The following LMO7 variants were observed in gnomAD, a reference collection of about 807,000 sequenced individuals.
LMO7 encodes the protein LIM domain 7, also known as LIM domain only protein 7.
Under a neutral mutation model 206.5 loss-of-function variants are expected in LMO7, and 120 were observed. The observed-to-expected ratio is 0.58, with a 90% CI of 0.50 to 0.68. The LOEUF (loss-of-function observed/expected upper bound fraction) is 0.68, where lower values mean the gene tolerates loss of function less well. LMO7 is among the 30% of genes least tolerant of loss of function. The probability of loss-of-function intolerance (pLI) is 0.00; values close to 1 mark genes in which losing one functional copy is unlikely to be tolerated. For synonymous variants in LMO7, 706 were observed against 681.5 expected (o/e 1.04, Z -0.56); for missense variants, 1,959 against 1,957.9 (o/e 1.00, Z -0.01).
intron 11 of LMO7, among the ~76,000 whole-genome samples, chr13:75,813,885 T>A (rs1039532075): frequency 1.3e-5 from 2 of 152,182 alleles, no homozygotes; most frequent in African/African-American, 4.8e-5. Context: ...GTTCTGGAGT[T>A]TATGTAATCT....
intron 4 of LMO7, among the ~76,000 whole-genome samples, chr13:75,782,119 C>T (rs2051576651): frequency 6.6e-6 from 1 of 152,118 alleles, no homozygotes; most frequent in Non-Finnish European, 1.5e-5. Flanking sequence ...TGTACAGAAG[C>T]TCTTTAGTTT....
At chr13:75,755,010 A>G (rs1418748276) in intron 3 of LMO7, among the ~76,000 whole-genome samples, 1 of 152,184 alleles carries the variant, frequency 6.6e-6, no homozygotes, top group East Asian at 1.9e-4. Flanking sequence ...GGGTCAAGAG[A>G]ATAAGAATGA....
intron 3 of LMO7, among the ~76,000 whole-genome samples, chr13:75,732,750 G>C (rs1381702927): frequency 6.6e-6 from 1 of 152,102 alleles, no homozygotes; most frequent in Non-Finnish European, 1.5e-5. Flanking sequence ...CCATCTTTGT[G>C]GTTTTGTCGG....
rs547628523 is a variant in LMO7 at position 75,856,192 on chromosome 13, G to A, written c.4771-314G>A. Among the ~76,000 whole-genome samples, 10 of 152,218 alleles carry A rather than the reference G, an allele frequency of 6.6e-5. No homozygotes were observed. In the East Asian group the frequency reaches 1.7e-3, roughly 26 times the overall value. ...ACTCTGGCCACTTCTTTCATGGGGGGCCTTACCTGCCATTCCTCTGGGGGG... is the reference window on the plus strand; with the variant it reads ...ACTCTGGCCACTTCTTTCATGGGGGACCTTACCTGCCATTCCTCTGGGGGG... On this transcript the variant is annotated intron_variant, in intron 29 of 30. Transcript: ENST00000377534.
intron 1 of LMO7, among the ~76,000 whole-genome samples, chr13:75,652,623 G>GTGTGTA (rs2037693510): frequency 1.6e-5 from 2 of 123,102 alleles, no homozygotes; most frequent in Non-Finnish European, 3.9e-5. Context: ...CAGTGTGTGT[G>GTGTGTA]TGTGTGTGTG....
intron 1 of LMO7, among the ~76,000 whole-genome samples, chr13:75,691,075 G>A (rs1386933964): frequency 6.6e-6 from 1 of 152,116 alleles, no homozygotes; most frequent in Non-Finnish European, 1.5e-5. Context: ...TAAAACTGGA[G>A]ATTTAATTTT....
intron 1 of LMO7, 56 bp from the exon 2 acceptor site, chr13:75,713,126 G>A: frequency 8.2e-7 from 1 of 1,225,952 alleles, no homozygotes; most frequent in Non-Finnish European, 1.2e-6. Flanking sequence ...ATACTGAATT[G>A]GACTTGTGTG....
Position 75,710,663 on chromosome 13 carries a change from T to C in LMO7, c.70-2519T>C, listed in dbSNP as rs2043026854. Among the ~76,000 whole-genome samples, 3 of 152,030 alleles carry C rather than the reference T, an allele frequency of 2.0e-5. No individual in the cohort carries two copies. In the South Asian group the frequency reaches 6.2e-4, roughly 32 times the overall value. ...ACATTGATTTTGTATCCTGAGACTT[T>C]GCTGAAGTTGCCTATCAGCTTAAGG... On this transcript the variant is annotated intron_variant, in intron 1 of 30. Transcript: ENST00000377534.
At position 75,714,545 on chromosome 13, in the gene LMO7, G is replaced by A. The variant is rs143121333; in HGVS notation, c.140+1293G>A. ...TGTGACCTAAAGAAGTGTCAATTTC[G>A]TGTGGTTTCACCTAACGTATAGGTG... is the stretch of plus-strand genomic sequence containing the variant. On this transcript the variant is annotated intron_variant, in intron 2 of 30. Transcript: ENST00000377534. Among the ~76,000 whole-genome samples the A allele has an allele frequency of 3.5e-3, 529 of 152,206 alleles. 3 individuals are homozygous for A. The highest frequency in any genetic ancestry group is 0.012 in the African/African-American group (482 of 41,550).
chr13:75,841,486 G>GT, intron 23 of LMO7, 142 bp from the exon 24 acceptor site: 1 of 647,800 alleles, frequency 1.5e-6, no homozygotes, highest in Non-Finnish European at 2.6e-6. Flanking sequence ...TTCTTTAGTG[G>GT]TAAAAACTCT....
rs2058925691 is a variant in LMO7, at chr13:75,834,124, G to A, written c.3065-102G>A. On this transcript the variant is annotated intron_variant, in intron 16 of 30. Transcript: ENST00000377534. ...CCTCCACCTGAAAAAGAGAGAAATG[G>A]TTAATTGAAATTCAGAGTCATTTTT... is the stretch of plus-strand genomic sequence containing the variant. 8.7e-6 allele frequency: 7 copies of A among 803,254 alleles called. No homozygotes were observed. The South Asian group carries it at 1.1e-4, about 13-fold the overall frequency. 49.8% of individuals were successfully genotyped at this position (803,254 alleles called of 1,614,324 possible). A position where few individuals can be genotyped will look rare whatever the true frequency, so the allele number is the denominator to read the frequency against.
intron 2 of LMO7, among the ~76,000 whole-genome samples, chr13:75,714,013 A>AT (rs1359648231): frequency 1.3e-5 from 2 of 152,320 alleles, no homozygotes; most frequent in East Asian, 3.9e-4. Flanking sequence ...ACTCACCCAC[A>AT]TTTTTGAAAG....
chr13:75,744,830 G>A (rs918521177), intron 3 of LMO7, among the ~76,000 whole-genome samples: 8 of 152,180 alleles, frequency 5.3e-5, no homozygotes, highest in Non-Finnish European at 8.8e-5. Context: ...ACATGCCATG[G>A]AGTGGGGGGT....
intron 1 of LMO7, among the ~76,000 whole-genome samples, chr13:75,644,597 A>G (rs2036850731): frequency 6.6e-6 from 1 of 152,170 alleles, no homozygotes; most frequent in Non-Finnish European, 1.5e-5. Flanking sequence ...ATGATCATCA[A>G]ATATATGTAA....
intron 1 of LMO7, among the ~76,000 whole-genome samples, chr13:75,672,627 G>A (rs563273471): frequency 2.0e-5 from 3 of 152,176 alleles, no homozygotes; most frequent in South Asian, 2.1e-4. Context: ...GCATGTGTGC[G>A]GTTCCAACAG....
At chr13:75,760,709 A>T (rs2048104468) in intron 3 of LMO7, 2 of 1,532,522 alleles carry the variant, frequency 1.3e-6, no homozygotes, top group Non-Finnish European at 1.7e-6. Context: ...GAAACAGTGT[A>T]TGCCCGGGCA....
At position 75,853,241 on chromosome 13, in the gene LMO7, C is replaced by T. The variant is rs763510677; in HGVS notation, c.4514C>T (p.Ala1505Val). The T allele has an allele frequency of 6.2e-7, 1 of 1,614,126 alleles. No individual in the cohort carries two copies. Among genetic ancestry groups the T allele is most frequent in the Non-Finnish European group, 8.5e-7 (1 of 1,180,028 alleles). The change falls in exon 28 of 31, where the codon GCC (alanine) becomes GTC (valine). Residue 1505 changes from alanine (A) to valine (V), a missense_variant. By Grantham distance (64) the Ala-to-Val change is moderately conservative (BLOSUM62 0). Transcript: ENST00000377534. The stretch of plus-strand genomic sequence containing the variant: ...CAGCTGGTGTCCACATCAAACCGTG[C>T]CTACATGCGGAACCCCTCCTCCAGC... ...PPQLVSTSNR[A>V]YMRNPSSSVP...
chr13:75,840,642 A>G (rs1416919873), intron 22 of LMO7, 147 bp downstream of exon 22: 3 of 975,208 alleles, frequency 3.1e-6, no homozygotes, highest in South Asian at 3.5e-5. Context: ...TTTCCATAAA[A>G]CAATTACTTT....
intron 4 of LMO7, among the ~76,000 whole-genome samples, chr13:75,791,036 G>A (rs2053220241): frequency 6.6e-6 from 1 of 151,536 alleles, no homozygotes; most frequent in South Asian, 2.1e-4. Flanking sequence ...GAGTGCAGTG[G>A]CATGATCTCG....
Sources: allele counts gnomAD v4.1 joint callset (sites outside exome capture counted in the v4.1 genomes callset), GRCh38; gene constraint gnomAD v4.1.1; transcripts MANE v1.5; gene names NCBI Gene and HGNC (gene_info 2026-07-23, HGNC 2026-07-21).